Variants in IQCK observed in about 807,000 individuals in gnomAD.
The protein encoded by IQCK is IQ domain-containing protein K.
IQCK carries 29 observed loss-of-function variants against 28.1 expected under a neutral mutation model. The ratio of observed to expected loss-of-function variants is 1.03; its 90% CI spans 0.77 to 1.41. The LOEUF is 1.41. Ranked by LOEUF, IQCK falls within the 40% of genes most tolerant of loss-of-function variation. The pLI is 0.00. For missense variants in IQCK, 359 were observed against 314.7 expected, an observed-to-expected ratio of 1.14 and a Z score of -1.07; for synonymous variants, 113 against 115.1, an observed-to-expected ratio of 0.98 and a Z score of 0.12.
At chr16:19,756,896 CAAAAAAA>C (rs34600488) in intron 4 of IQCK, among the ~76,000 whole-genome samples, 2 of 96,198 alleles carry the variant, frequency 2.1e-5, no homozygotes, top group Non-Finnish European at 4.7e-5. Flanking sequence ...GGCTCCATGT[CAAAAAAA>C]AAAAAAAAAA....
intron 1 of IQCK, among the ~76,000 whole-genome samples, chr16:19,724,519 G>C (rs1192632233): frequency 6.6e-6 from 1 of 151,836 alleles, no homozygotes; most frequent in African/African-American, 2.4e-5. Context: ...CATTTTTGTT[G>C]TTGGGTTTTT....
chr16:19,731,353 G>A (rs1977830615), intron 2 of IQCK, among the ~76,000 whole-genome samples: 2 of 152,130 alleles, frequency 1.3e-5, no homozygotes, highest in Admixed American at 6.6e-5. Context: ...ACGGTAACAC[G>A]GATGGAATCA....
chr16:19,790,228 C>CA (rs10716576), intron 7 of IQCK, among the ~76,000 whole-genome samples: 630 of 44,426 alleles, frequency 0.014, 16 homozygotes, highest in Middle Eastern at 0.021. Flanking sequence ...GACCCTGTCT[C>CA]AAAAAAAAAA....
intron 7 of IQCK, 60 bp from the exon 8 acceptor site, chr16:19,826,966 A>T: frequency 9.6e-7 from 1 of 1,040,448 alleles, no homozygotes; most frequent in Non-Finnish European, 1.5e-6. Context: ...ATGCAGGGTT[A>T]ATAAGCTAGT....
chr16:19,734,968 T>C (rs1043284778), intron 3 of IQCK, among the ~76,000 whole-genome samples: 1 of 152,014 alleles, frequency 6.6e-6, no homozygotes, highest in African/African-American at 2.4e-5. Context: ...ACGACTGCCT[T>C]TATTACTGTG....
chr16:19,720,752 C>G (rs1459856839), intron 1 of IQCK, among the ~76,000 whole-genome samples: 1 of 152,184 alleles, frequency 6.6e-6, no homozygotes, highest in Non-Finnish European at 1.5e-5. Flanking sequence ...CATGGTGGCT[C>G]ACACCTGTAA....
At chr16:19,851,022 T>C (rs978440112) in intron 9 of IQCK, among the ~76,000 whole-genome samples, 1 of 152,172 alleles carries the variant, frequency 6.6e-6, no homozygotes, top group African/African-American at 2.4e-5. Context: ...AGACCTGGTC[T>C]CAATAAAAAC....
At chr16:19,803,791 T>G (rs1024337088) in intron 7 of IQCK, among the ~76,000 whole-genome samples, 1 of 152,040 alleles carries the variant, frequency 6.6e-6, no homozygotes, top group African/African-American at 2.4e-5. Flanking sequence ...TAGATAGGGC[T>G]ACAGTTGTAC....
At chr16:19,854,732 T>G (rs1190755750) in intron 9 of IQCK, among the ~76,000 whole-genome samples, 28 of 152,126 alleles carry the variant, frequency 1.8e-4, no homozygotes, top group Admixed American at 1.8e-3. Flanking sequence ...GCTATGGAAA[T>G]GGCAAATGAT....
chr16:19,842,706 A>G (rs1285766645), intron 9 of IQCK, among the ~76,000 whole-genome samples: 2 of 152,210 alleles, frequency 1.3e-5, no homozygotes, highest in African/African-American at 4.8e-5. Context: ...AAACTCATTT[A>G]TAGCAACGTC....
intron 1 of IQCK, among the ~76,000 whole-genome samples, chr16:19,727,463 T>G (rs1197182813): frequency 6.6e-6 from 1 of 152,036 alleles, no homozygotes; most frequent in Non-Finnish European, 1.5e-5. Flanking sequence ...AGCATGTGCC[T>G]GTAGTCCCAG....
At chr16:19,804,084 C>G (rs111759610) in intron 7 of IQCK, among the ~76,000 whole-genome samples, 7,406 of 152,176 alleles carry the variant, frequency 0.049, 595 homozygotes, top group African/African-American at 0.17. Flanking sequence ...GGTGCGGCGG[C>G]TCACGCCTGT....
chr16:19,747,044 C>T (rs1400355323), intron 4 of IQCK, among the ~76,000 whole-genome samples: 2 of 152,114 alleles, frequency 1.3e-5, no homozygotes, highest in Non-Finnish European at 2.9e-5. Context: ...TTTAAGAGGC[C>T]AAGGCAGAAG....
chr16:19,736,999 A>AG (rs1337894221), intron 4 of IQCK, among the ~76,000 whole-genome samples: 3 of 151,712 alleles, frequency 2.0e-5, no homozygotes, highest in Non-Finnish European at 2.9e-5. Context: ...AAAAAAAAAA[A>AG]AAGAAAAAGA....
At chr16:19,818,023 T>G (rs1388420385) in intron 7 of IQCK, among the ~76,000 whole-genome samples, 2 of 152,050 alleles carry the variant, frequency 1.3e-5, no homozygotes, top group Non-Finnish European at 2.9e-5. Context: ...GAAGTATGGG[T>G]ATTCTTGTGT....
intron 6 of IQCK, among the ~76,000 whole-genome samples, chr16:19,769,265 T>C (rs112896927): frequency 0.01 from 1,591 of 152,320 alleles, 31 homozygotes; most frequent in African/African-American, 0.036. Context: ...CGAGGTTTAA[T>C]AATTAAGCTC....
chr16:19,738,303 T>G (rs1216510952), intron 4 of IQCK, among the ~76,000 whole-genome samples: 1 of 152,224 alleles, frequency 6.6e-6, no homozygotes, highest in African/African-American at 2.4e-5. Context: ...TCTATTGGAC[T>G]CATCCCTGGA....
intron 6 of IQCK, among the ~76,000 whole-genome samples, chr16:19,777,600 G>T (rs2055412807): frequency 6.6e-6 from 1 of 152,174 alleles, no homozygotes; most frequent in South Asian, 2.1e-4. Flanking sequence ...ATAGAGGGAG[G>T]AAGGAAAGCT....
intron 7 of IQCK, among the ~76,000 whole-genome samples, chr16:19,818,672 T>C (rs62025050): frequency 0.39 from 59,349 of 152,042 alleles, 17,458 homozygotes; most frequent in African/African-American, 0.83. Context: ...GGATTACAGG[T>C]GTGAGCCATC....
Sources: allele counts gnomAD v4.1 joint callset (sites outside exome capture counted in the v4.1 genomes callset), GRCh38; gene constraint gnomAD v4.1.1; transcripts MANE v1.5; gene names NCBI Gene and HGNC (gene_info 2026-07-23, HGNC 2026-07-21).